Variants in IL23R observed in about 807,000 individuals in gnomAD.
IL23R encodes interleukin-23 receptor.
A neutral mutation model predicts 56.9 loss-of-function variants in IL23R; 34 were observed. The ratio of observed to expected loss-of-function variants is 0.60; its 90% CI spans 0.45 to 0.80. The LOEUF (loss-of-function observed/expected upper bound fraction) is 0.80, where lower values mean the gene tolerates loss of function less well. IL23R is among the 30% of genes least tolerant of loss of function. The pLI is 0.00. For missense variants in IL23R, 635 were observed against 730.0 expected (o/e 0.87, Z 1.50); for synonymous variants, 230 against 249.2 (o/e 0.92, Z 0.73).
chr1:67,246,279 T>A (rs1381037002), intron 9 of IL23R, among the ~76,000 whole-genome samples: 2 of 152,168 alleles, frequency 1.3e-5, no homozygotes, highest in African/African-American at 4.8e-5. Flanking sequence ...ATTCATTGAT[T>A]TTTTTGAAGA....
chr1:67,222,739 G>T (rs2100245931), intron 7 of IL23R, among the ~76,000 whole-genome samples: 1 of 152,254 alleles, frequency 6.6e-6, no homozygotes, highest in East Asian at 1.9e-4. Flanking sequence ...TACATTGCTG[G>T]TGGGTAATGA....
chr1:67,197,544 A>T (rs1429696234), intron 4 of IL23R, among the ~76,000 whole-genome samples: 1 of 152,158 alleles, frequency 6.6e-6, no homozygotes, highest in Non-Finnish European at 1.5e-5. Context: ...TTGGAGTCTG[A>T]GGGGGGCCCT....
intron 6 of IL23R, among the ~76,000 whole-genome samples, chr1:67,211,708 A>C (rs891304462): frequency 3.3e-5 from 5 of 152,144 alleles, no homozygotes; most frequent in Admixed American, 1.3e-4. Context: ...TTTAGAAAAT[A>C]GAAAGGAATT....
At chr1:67,205,887 CTTTCTTTCTTTCTTTCTTTCT>C (rs760987380) in intron 5 of IL23R, among the ~76,000 whole-genome samples, 1 of 111,320 alleles carries the variant, frequency 9.0e-6, no homozygotes, top group Non-Finnish European at 2.0e-5. Flanking sequence ...TTCTTTCTTT[CTTTCTTTCTTTCTTTCTTTCT>C]TTCTTTCTTT....
intron 7 of IL23R, among the ~76,000 whole-genome samples, chr1:67,222,276 C>G (rs1206108245): frequency 6.6e-6 from 1 of 151,720 alleles, no homozygotes; most frequent in East Asian, 1.9e-4. Context: ...ACCACTATGC[C>G]TGGCTAATTT....
intron 7 of IL23R, among the ~76,000 whole-genome samples, chr1:67,233,972 T>TGTGA (rs1558257272): frequency 7.0e-6 from 1 of 141,988 alleles, no homozygotes; most frequent in East Asian, 2.2e-4. Flanking sequence ...TGTGTGTGTG[T>TGTGA]GAGATTCTGT....
chr1:67,221,830 A>C (rs1650271268), intron 7 of IL23R, among the ~76,000 whole-genome samples: 1 of 152,174 alleles, frequency 6.6e-6, no homozygotes, highest in Non-Finnish European at 1.5e-5. Flanking sequence ...AGCAAAGAGC[A>C]TGACTTGCTG....
At chr1:67,212,810 C>T (rs1161812783) in intron 6 of IL23R, among the ~76,000 whole-genome samples, 1 of 152,166 alleles carries the variant, frequency 6.6e-6, no homozygotes. Flanking sequence ...CCGCCTCAGC[C>T]TCCCAAAGTG....
chr1:67,148,368 C>G (rs965545357), intron 1 of IL23R, among the ~76,000 whole-genome samples: 11 of 152,378 alleles, frequency 7.2e-5, no homozygotes, highest in African/African-American at 2.2e-4. Flanking sequence ...AAGGGGGTTT[C>G]CCCTGCCCGC....
At chr1:67,239,891 C>T (rs10789229) in intron 8 of IL23R, among the ~76,000 whole-genome samples, 95,830 of 152,062 alleles carry the variant, frequency 0.63, 30,768 homozygotes, top group East Asian at 0.93. Flanking sequence ...AGAATTTATA[C>T]GAAATTTGCA....
At chr1:67,222,102 C>CTTTCTTTTTTTTTTTTTT (rs1440089182) in intron 7 of IL23R, among the ~76,000 whole-genome samples, 1 of 58,898 alleles carries the variant, frequency 1.7e-5, no homozygotes, top group African/African-American at 6.3e-5. Context: ...TTCTTTCTTT[C>CTTTCTTTTTTTTTTTTTT]TTTTTTTTTT....
intron 3 of IL23R, among the ~76,000 whole-genome samples, chr1:67,176,579 T>C (rs1027231050): frequency 2.6e-5 from 4 of 152,158 alleles, no homozygotes; most frequent in African/African-American, 9.7e-5. Flanking sequence ...AGGTAAGCAA[T>C]CAATGTTTAT....
intron 4 of IL23R, 65 bp downstream of exon 4, chr1:67,183,024 CA>C (rs1647175668): frequency 6.4e-7 from 1 of 1,572,280 alleles, no homozygotes; most frequent in East Asian, 2.2e-5. Context: ...GCTCTGCCTC[CA>C]GCAGAGATCC....
At chr1:67,165,854 G>A (rs745922306), upstream of IL23R, among the ~76,000 whole-genome samples, 6 of 152,208 alleles carry the variant, frequency 3.9e-5, no homozygotes, top group Non-Finnish European at 8.8e-5. Flanking sequence ...GCATAAACTT[G>A]CAGTTATAAG....
chr1:67,188,783 T>C (rs1482990680), intron 4 of IL23R, among the ~76,000 whole-genome samples: 1 of 152,106 alleles, frequency 6.6e-6, no homozygotes, highest in African/African-American at 2.4e-5. Flanking sequence ...GCCAGGCAGC[T>C]CCCTTCAACC....
chr1:67,172,410 T>C (rs991558387), intron 3 of IL23R, among the ~76,000 whole-genome samples: 2 of 152,232 alleles, frequency 1.3e-5, no homozygotes, highest in Non-Finnish European at 2.9e-5. Flanking sequence ...TAAAGTGCTG[T>C]GCTTTAATGT....
At chr1:67,240,423 T>G (rs898800370) in intron 9 of IL23R, 142 bp downstream of exon 9, 1 of 675,426 alleles carries the variant, frequency 1.5e-6, no homozygotes. Flanking sequence ...CAATGTTTAA[T>G]AAGTACTTAC....
intron 5 of IL23R, among the ~76,000 whole-genome samples, chr1:67,205,872 C>CATCT (rs1240211591): frequency 3.5e-5 from 4 of 115,134 alleles, no homozygotes; most frequent in Non-Finnish European, 7.5e-5. Flanking sequence ...ATTGAACATC[C>CATCT]ATCTTTCTTT....
chr1:67,139,152 A>T (rs1646611259), exon 1 of IL23R: 1 of 152,302 alleles, frequency 6.6e-6, no homozygotes, highest in Admixed American at 6.5e-5. Context: ...TCTTCAGCTA[A>T]CATGATCCAG....
Sources: gnomAD v4.1 joint callset for allele counts (sites outside exome capture counted in the v4.1 genomes callset) on GRCh38, gnomAD v4.1.1 for gene constraint, MANE v1.5 for transcripts, NCBI Gene and HGNC (gene_info 2026-07-23, HGNC 2026-07-21) for gene names.